The following FAM124A variants were observed in gnomAD, a reference collection of about 807,000 sequenced individuals.
FAM124A encodes the protein protein FAM124A.
In FAM124A, 23 loss-of-function variants were observed where a neutral mutation model predicts 24.5. The observed-to-expected ratio is 0.94, with a 90% CI of 0.68 to 1.33. The LOEUF (loss-of-function observed/expected upper bound fraction) is 1.33. FAM124A is among the 40% of genes most tolerant of loss of function. The probability of loss-of-function intolerance (pLI) is 0.00; values close to 1 mark genes in which losing one functional copy is unlikely to be tolerated. For missense variants in FAM124A, 623 were observed against 722.8 expected (o/e 0.86, Z 1.58); for synonymous variants, 287 against 314.7 (o/e 0.91, Z 0.93).
intron 3 of FAM124A, among the ~76,000 whole-genome samples, chr13:51,275,790 G>A (rs906747343): frequency 5.9e-5 from 9 of 152,156 alleles, no homozygotes; most frequent in African/African-American, 9.7e-5. Flanking sequence ...ATGTATCGAC[G>A]CAACCAATTT....
chr13:51,237,512 G>A (rs908084363), intron 2 of FAM124A, among the ~76,000 whole-genome samples: 1 of 152,088 alleles, frequency 6.6e-6, no homozygotes, highest in African/African-American at 2.4e-5. Context: ...GATTCAGGGT[G>A]AGCTGTGGCA....
chr13:51,231,285 A>G, intron 1 of FAM124A, 63 bp from the exon 2 acceptor site: 1 of 1,596,844 alleles, frequency 6.3e-7, no homozygotes, highest in Non-Finnish European at 8.6e-7. Flanking sequence ...ACTGTTTAAA[A>G]TTCTGGCTTG....
chr13:51,263,035 C>T (rs896755275), intron 3 of FAM124A, among the ~76,000 whole-genome samples: 17 of 152,192 alleles, frequency 1.1e-4, no homozygotes, highest in African/African-American at 3.6e-4. Context: ...TGGAAGGCTA[C>T]GGGCCCTTAG....
At position 51,283,041 on chromosome 13, in the gene FAM124A, CTTTATTTTT is replaced by C. The variant is rs1234178982; in HGVS notation, c.*1789_*1797del. On this transcript the variant is annotated 3_prime_UTR_variant, in exon 4 of 4. Transcript: ENST00000322475. ...TGGGAATGGCTGAGTTCCAATAAAG[CTTTATTTTT>C]TTTTTATTTGAGACGGGGTCTTGCT... 6.6e-6 allele frequency: 1 copy of C among 151,912 alleles called. No homozygotes were observed. Among genetic ancestry groups the C allele is most frequent in the Non-Finnish European group, 1.5e-5 (1 of 67,986 alleles). 9.4% of individuals were successfully genotyped at this position (151,912 alleles called of 1,614,324 possible).
At chr13:51,237,384 T>C (rs186526754) in intron 2 of FAM124A, among the ~76,000 whole-genome samples, 4 of 152,212 alleles carry the variant, frequency 2.6e-5, no homozygotes, top group African/African-American at 9.6e-5. Flanking sequence ...CTGGAAGTAC[T>C]TGAGCATGCA....
intron 3 of FAM124A, among the ~76,000 whole-genome samples, chr13:51,257,313 A>G (rs1009229545): frequency 6.6e-6 from 1 of 152,230 alleles, no homozygotes; most frequent in African/African-American, 2.4e-5. Flanking sequence ...AGAGTGCACA[A>G]GGCAGAGACT....
intron 3 of FAM124A, among the ~76,000 whole-genome samples, chr13:51,263,302 C>A (rs1190235563): frequency 6.6e-6 from 1 of 152,236 alleles, no homozygotes; most frequent in Middle Eastern, 3.2e-3. Context: ...TCTGTGCATT[C>A]CCCAGCATGG....
chr13:51,277,104 A>G (rs988420546), intron 3 of FAM124A, among the ~76,000 whole-genome samples: 3 of 139,772 alleles, frequency 2.1e-5, no homozygotes, highest in Non-Finnish European at 4.4e-5. Context: ...GGATGACTGG[A>G]AAAAAAAATG....
At chr13:51,279,358 C>T (rs1954913909) in intron 3 of FAM124A, among the ~76,000 whole-genome samples, 1 of 152,212 alleles carries the variant, frequency 6.6e-6, no homozygotes, top group Admixed American at 6.5e-5. Flanking sequence ...GGTGACTCTC[C>T]ATTCCTGCTG....
rs375899047 is a variant in FAM124A at position 51,252,366 on chromosome 13, C to G, written c.834+165C>G. 77 of 894,416 alleles carry G rather than the reference C, an allele frequency of 8.6e-5. No individual in the cohort carries two copies. The South Asian group carries it at 1.4e-3, about 16-fold the overall frequency. 55.4% of individuals were successfully genotyped at this position (894,416 alleles called of 1,614,324 possible). A position where few individuals can be genotyped will look rare whatever the true frequency, so the allele number is the denominator to read the frequency against. ...TCAAAGTGGCCATACAGGATCCCAACAAAAGAGGGGGCAAGAAAGACTCTT... is the reference window on the plus strand; with the variant it reads ...TCAAAGTGGCCATACAGGATCCCAAGAAAAGAGGGGGCAAGAAAGACTCTT... On this transcript the variant is annotated intron_variant, in intron 3 of 3. Coordinates refer to ENST00000322475, the MANE Select transcript of FAM124A (RefSeq NM_001242312.2).
At chr13:51,244,276 T>C (rs1347077390) in intron 2 of FAM124A, among the ~76,000 whole-genome samples, 1 of 152,220 alleles carries the variant, frequency 6.6e-6, no homozygotes, top group Non-Finnish European at 1.5e-5. Flanking sequence ...TCTGTAGGAC[T>C]TAGCTACCCG....
intron 3 of FAM124A, among the ~76,000 whole-genome samples, chr13:51,259,488 GC>G (rs1309844468): frequency 6.6e-6 from 1 of 151,602 alleles, no homozygotes; most frequent in Non-Finnish European, 1.5e-5. Flanking sequence ...CCCCTTCCCC[GC>G]CGCCTGATCC....
intron 1 of FAM124A, among the ~76,000 whole-genome samples, chr13:51,228,301 C>CT (rs1206270032): frequency 6.6e-6 from 1 of 152,092 alleles, no homozygotes; most frequent in Non-Finnish European, 1.5e-5. Context: ...TACAGAACCT[C>CT]TATGTAATCC....
rs139593200 is a variant in FAM124A, at chr13:51,281,570, AAAG to A, written c.*317_*319del. ...TGGCTTATATAATTATTTGAAATGA[AAAG>A]AAAACCTAGTCAGCCAGAACCAATT... is the stretch of plus-strand genomic sequence containing the variant. On this transcript the variant is annotated 3_prime_UTR_variant, in exon 4 of 4. Coordinates refer to ENST00000322475, the MANE Select transcript of FAM124A (RefSeq NM_001242312.2). The A allele has an allele frequency of 0.097, 20,769 of 213,920 alleles. 1,378 individuals are homozygous for A. The highest frequency in any genetic ancestry group is 0.18 in the African/African-American group (7,985 of 43,654). 13.3% of individuals were successfully genotyped at this position (213,920 alleles called of 1,614,324 possible).
At chr13:51,246,269 CCA>C (rs1414998878) in intron 2 of FAM124A, among the ~76,000 whole-genome samples, 3 of 152,052 alleles carry the variant, frequency 2.0e-5, no homozygotes, top group African/African-American at 7.3e-5. Flanking sequence ...AGAGCACATC[CCA>C]CAGTCATGTC....
At chr13:51,253,756 T>C (rs1278547170) in intron 3 of FAM124A, among the ~76,000 whole-genome samples, 1 of 152,198 alleles carries the variant, frequency 6.6e-6, no homozygotes, top group African/African-American at 2.4e-5. Flanking sequence ...GGAAAGAATA[T>C]TTCAAGGAAG....
intron 2 of FAM124A, among the ~76,000 whole-genome samples, chr13:51,250,565 C>T (rs9535627): frequency 0.87 from 133,047 of 152,230 alleles, 58,605 homozygotes; most frequent in East Asian, 0.96. Context: ...TGGAATTCAA[C>T]AGTTTCAGGT....
chr13:51,242,340 G>A (rs886162833), intron 2 of FAM124A, among the ~76,000 whole-genome samples: 4 of 152,198 alleles, frequency 2.6e-5, no homozygotes, highest in Admixed American at 1.3e-4. Context: ...ATTTTGAACC[G>A]TCAAATTTTT....
In FAM124A at chr13:51,224,014, A is replaced by G. The variant is rs567560791; in HGVS notation, c.68+1445A>G. Among the ~76,000 whole-genome samples the G allele has an allele frequency of 1.8e-3, 274 of 152,302 alleles. 1 individual carries two copies. The highest frequency in any genetic ancestry group is 3.3e-3 in the Non-Finnish European group (223 of 68,032). On this transcript the variant is annotated intron_variant, in intron 1 of 3. Transcript: ENST00000322475. ...AAGGGCTCTGTCTTAGAGAAGGGAG[A>G]GGAAGTCCTGGACCCAGGGGGTGAC... is the stretch of plus-strand genomic sequence containing the variant.
Sources: gnomAD v4.1 joint callset for allele counts (sites outside exome capture counted in the v4.1 genomes callset) on GRCh38, gnomAD v4.1.1 for gene constraint, MANE v1.5 for transcripts, NCBI Gene and HGNC (gene_info 2026-07-23, HGNC 2026-07-21) for gene names.